Variants in PARL observed in about 807,000 individuals in gnomAD.
PARL encodes presenilin associated rhomboid like.
Under a neutral mutation model 51.6 loss-of-function variants are expected in PARL, and 44 were observed. That is an observed-to-expected ratio of 0.85 (90% CI 0.67 to 1.10). The LOEUF (loss-of-function observed/expected upper bound fraction) is 1.10, where lower values mean the gene tolerates loss of function less well. PARL is among the 50% of genes least tolerant of loss of function. The pLI, the probability that PARL is intolerant of heterozygous loss-of-function variation, is 0.00. For missense variants in PARL, 441 were observed against 469.5 expected, an observed-to-expected ratio of 0.94 and a Z score of 0.56; for synonymous variants, 172 against 164.0, an observed-to-expected ratio of 1.05 and a Z score of -0.37.
chr3:183,870,404 T>C (rs967914686), intron 1 of PARL, among the ~76,000 whole-genome samples: 11 of 151,934 alleles, frequency 7.2e-5, no homozygotes, highest in Non-Finnish European at 1.5e-4. Context: ...ACCTGGATCA[T>C]GGCAACACTT....
intron 1 of PARL, among the ~76,000 whole-genome samples, chr3:183,878,624 T>C (rs1005410795): frequency 2.0e-5 from 3 of 152,168 alleles, no homozygotes; most frequent in African/African-American, 7.2e-5. Context: ...CCCCAGGTGA[T>C]TCTCATGTGC....
At chr3:183,841,417 T>G (rs377244663) in intron 6 of PARL, among the ~76,000 whole-genome samples, 1 of 152,206 alleles carries the variant, frequency 6.6e-6, no homozygotes, top group Non-Finnish European at 1.5e-5. Flanking sequence ...GGGCTTGTGG[T>G]AGATGCTTTT....
At chr3:183,826,963 AG>A (rs1020013217), downstream of PARL, among the ~76,000 whole-genome samples, 187 of 152,200 alleles carry the variant, frequency 1.2e-3, no homozygotes, top group African/African-American at 4.3e-3. Context: ...TGTGGTAGTG[AG>A]GGACGGAAGG....
chr3:183,852,556 G>A (rs1458148292), intron 4 of PARL, among the ~76,000 whole-genome samples: 1 of 152,052 alleles, frequency 6.6e-6, no homozygotes. Flanking sequence ...TAATGAAAAA[G>A]TCCTGGAAAT....
chr3:183,837,333 A>T (rs966958705), intron 7 of PARL, among the ~76,000 whole-genome samples: 1 of 152,176 alleles, frequency 6.6e-6, no homozygotes, highest in Non-Finnish European at 1.5e-5. Context: ...TCTCTAGTCA[A>T]GGACCAAAAA....
At chr3:183,856,868 A>G (rs1370832486) in intron 4 of PARL, among the ~76,000 whole-genome samples, 2 of 152,220 alleles carry the variant, frequency 1.3e-5, no homozygotes, top group Non-Finnish European at 2.9e-5. Context: ...CAAAATTTTA[A>G]ATGTATATTC....
At chr3:183,847,973 G>A (rs181990385) in intron 4 of PARL, among the ~76,000 whole-genome samples, 54 of 152,160 alleles carry the variant, frequency 3.5e-4, no homozygotes, top group African/African-American at 1.2e-3. Flanking sequence ...GACAAGCTTG[G>A]CACTACTGAT....
chr3:183,856,810 G>A (rs1344047508), intron 4 of PARL, among the ~76,000 whole-genome samples: 1 of 152,168 alleles, frequency 6.6e-6, no homozygotes, highest in East Asian at 1.9e-4. Context: ...ATTGTTGGAG[G>A]ACATTTAAAA....
chr3:183,854,321 C>T lies in PARL; in HGVS notation c.511+8432G>A, dbSNP rs1262608859. Among the ~76,000 whole-genome samples, 3 of 152,230 alleles carry T rather than the reference C, an allele frequency of 2.0e-5. No individual in the cohort carries two copies. The East Asian group carries it at 5.8e-4, about 29-fold the overall frequency. Reference sequence around the variant, plus strand: ...TTCATAGCAGCATTATTCACAATAACAAGAGGTAGAAATAACTCAAATGTC... The same window carrying T: ...TTCATAGCAGCATTATTCACAATAATAAGAGGTAGAAATAACTCAAATGTC... On this transcript the variant is annotated intron_variant, in intron 4 of 9. Transcript: ENST00000317096.
At chr3:183,842,807 C>CAAAAAAAA (rs370931513) in intron 5 of PARL, among the ~76,000 whole-genome samples, 2 of 54,086 alleles carry the variant, frequency 3.7e-5, no homozygotes, top group African/African-American at 1.5e-4. Context: ...GACTCTATCT[C>CAAAAAAAA]AAAAAAAAAA....
Position 183,884,827 on chromosome 3 carries a change from G to C in PARL, c.20C>G (p.Ala7Gly), listed in dbSNP as rs755462745. MAWRGW[A>G]QRGWGCGQAW... ...CTGGCCGCAGCCCCAGCCTCTCTGC[G>C]CCCAGCCTCGCCACGCCATCTTCCC... Residue 7 changes from alanine (A) to glycine (G), a missense_variant, in exon 1 of 10, where the codon GCG becomes GGG. Coordinates refer to ENST00000317096, the MANE Select transcript of PARL (RefSeq NM_018622.7). The C allele has an allele frequency of 1.3e-6, 2 of 1,596,852 alleles. No individual in the cohort carries two copies. Among genetic ancestry groups the C allele is most frequent in the Middle Eastern group, 2.2e-4 (1 of 4,478 alleles).
intron 3 of PARL, among the ~76,000 whole-genome samples, chr3:183,863,199 C>G (rs542308001): frequency 9.2e-5 from 14 of 152,234 alleles, no homozygotes; most frequent in African/African-American, 3.1e-4. Flanking sequence ...TTTTAAAATT[C>G]TGAGAATATT....
intron 3 of PARL, among the ~76,000 whole-genome samples, chr3:183,864,953 A>T (rs536873574): frequency 1.4e-5 from 2 of 143,968 alleles, no homozygotes; most frequent in Admixed American, 7.3e-5. Context: ...GTTTAGAGAC[A>T]CTCAACAGCA....
At chr3:183,835,989 G>A (rs1460765599) in intron 7 of PARL, among the ~76,000 whole-genome samples, 5 of 151,022 alleles carry the variant, frequency 3.3e-5, no homozygotes, top group Admixed American at 1.3e-4. Context: ...AGGCTGAGGC[G>A]GGCAGATCAC....
chr3:183,841,194 G>C (rs1394356977), intron 6 of PARL, among the ~76,000 whole-genome samples: 1 of 152,184 alleles, frequency 6.6e-6, no homozygotes, highest in Non-Finnish European at 1.5e-5. Context: ...TTTGGCTTCA[G>C]TGCCATTTGA....
chr3:183,876,610 TAAAAAAAAAAAAAAAAA>T (rs576376716), intron 1 of PARL, among the ~76,000 whole-genome samples: 3 of 91,828 alleles, frequency 3.3e-5, no homozygotes, highest in Non-Finnish European at 6.0e-5. Context: ...ATACATTTTG[TAAAAAAAAAAAAAAAAA>T]AAAAAAAAAA....
At chr3:183,850,540 G>C (rs899915773) in intron 4 of PARL, among the ~76,000 whole-genome samples, 2 of 152,152 alleles carry the variant, frequency 1.3e-5, no homozygotes, top group Non-Finnish European at 2.9e-5. Context: ...TTTTGGGGAA[G>C]CACACTATTC....
rs993174364 is a variant in PARL at position 183,829,452 on chromosome 3, C to T, written c.*146G>A. The T allele has an allele frequency of 1.5e-5, 24 of 1,593,104 alleles. No homozygotes were observed. Among genetic ancestry groups the T allele is most frequent in the East Asian group, 6.7e-5 (3 of 44,584 alleles). ...TCATCATTCACATTCTAAAAAGACA[C>T]GGACTGGGGGACACAGCTGAAAACA... On this transcript the variant is annotated 3_prime_UTR_variant, in exon 10 of 10. Coordinates refer to ENST00000317096, the MANE Select transcript of PARL (RefSeq NM_018622.7).
At chr3:183,832,258 G>T (rs184011984) in intron 9 of PARL, among the ~76,000 whole-genome samples, 1 of 148,348 alleles carries the variant, frequency 6.7e-6, no homozygotes, top group Non-Finnish European at 1.5e-5. Context: ...TCACTTTGTC[G>T]CCCAGGCTGG....
Sources: allele counts gnomAD v4.1 joint callset (sites outside exome capture counted in the v4.1 genomes callset), GRCh38; gene constraint gnomAD v4.1.1; transcripts MANE v1.5; gene names NCBI Gene and HGNC (gene_info 2026-07-23, HGNC 2026-07-21).